The following HERC3 variants were observed in gnomAD, a reference collection of about 807,000 sequenced individuals.
HERC3 encodes HECT and RLD domain containing E3 ubiquitin protein ligase 3.
In HERC3, 58 loss-of-function variants were observed where a neutral mutation model predicts 129.9. The observed-to-expected ratio is 0.45, with a 90% confidence interval of 0.36 to 0.56. The LOEUF (loss-of-function observed/expected upper bound fraction) is 0.56, where lower values mean the gene tolerates loss of function less well. Ranked by LOEUF, HERC3 falls within the 20% of genes least tolerant of loss-of-function variation. The probability of loss-of-function intolerance (pLI) is 0.00; values close to 1 mark genes in which losing one functional copy is unlikely to be tolerated. For synonymous variants in HERC3, 430 were observed against 451.0 expected, an observed-to-expected ratio of 0.95 and a Z score of 0.59; for missense variants, 835 against 1,244.2, an observed-to-expected ratio of 0.67 and a Z score of 4.95.
chr4:88,629,148 ACT>A (rs1215968898), intron 3 of HERC3, among the ~76,000 whole-genome samples: 3 of 152,144 alleles, frequency 2.0e-5, no homozygotes, highest in Non-Finnish European at 4.4e-5. Flanking sequence ...ACAGAGTGAG[ACT>A]CTGGCTCAAA....
chr4:88,573,001 A>G, the HERC3 span, among the ~76,000 whole-genome samples: 1 of 152,232 alleles, frequency 6.6e-6, no homozygotes, highest in African/African-American at 2.4e-5. Flanking sequence ...TACAGAAACT[A>G]TGGAGCAAAA....
chr4:88,558,855 C>A, the HERC3 span, among the ~76,000 whole-genome samples: 14 of 151,402 alleles, frequency 9.2e-5, no homozygotes, highest in Non-Finnish European at 1.6e-4. Flanking sequence ...GTAGTCCCAG[C>A]TGCTGGGGAG....
intron 3 of HERC3, among the ~76,000 whole-genome samples, chr4:88,606,541 G>T (rs559826632): frequency 8.5e-5 from 13 of 152,290 alleles, no homozygotes; most frequent in African/African-American, 2.9e-4. Flanking sequence ...TCACACTGCT[G>T]ATAAGACATA....
intron 2 of HERC3, among the ~76,000 whole-genome samples, chr4:88,601,251 GAGTTC>G (rs1380013967): frequency 1.2e-3 from 178 of 152,254 alleles, no homozygotes; most frequent in African/African-American, 3.3e-3. Flanking sequence ...AAAGCCTCAA[GAGTTC>G]AAAGCATACC....
At chr4:88,547,253 T>A in the HERC3 span, among the ~76,000 whole-genome samples, 2 of 152,184 alleles carry the variant, frequency 1.3e-5, no homozygotes, top group African/African-American at 4.8e-5. Flanking sequence ...GTCTTACAAT[T>A]TTTTGGATAG....
the HERC3 span, among the ~76,000 whole-genome samples, chr4:88,563,011 A>G: frequency 2.0e-5 from 3 of 152,180 alleles, no homozygotes; most frequent in Admixed American, 1.3e-4. Context: ...TATAAATGTC[A>G]GGATTATTTT....
chr4:88,683,793 A>G (rs533732925), intron 21 of HERC3, among the ~76,000 whole-genome samples: 2 of 152,292 alleles, frequency 1.3e-5, no homozygotes, highest in Admixed American at 6.5e-5. Context: ...AAGTGTTTTT[A>G]CCAAGCTTGT....
At chr4:88,559,001 T>G in the HERC3 span, among the ~76,000 whole-genome samples, 1 of 151,970 alleles carries the variant, frequency 6.6e-6, no homozygotes, top group African/African-American at 2.4e-5. Context: ...ATTGAGAGAT[T>G]CTTTTTCTTA....
the HERC3 span, among the ~76,000 whole-genome samples, chr4:88,543,336 T>C: frequency 6.6e-6 from 1 of 152,150 alleles, no homozygotes; most frequent in East Asian, 1.9e-4. Context: ...CATTCATAAT[T>C]GCTACACAGA....
chr4:88,667,320 C>T (rs2149297262), intron 12 of HERC3, 57 bp from the exon 13 acceptor site: 2 of 871,438 alleles, frequency 2.3e-6, no homozygotes, highest in Non-Finnish European at 3.6e-6. Context: ...TTTATAATTC[C>T]TATCAGAGTG....
intron 2 of HERC3, among the ~76,000 whole-genome samples, chr4:88,600,751 T>C (rs1722885803): frequency 6.6e-6 from 1 of 152,252 alleles, no homozygotes; most frequent in South Asian, 2.1e-4. Context: ...TACCCGCTTG[T>C]TGATTCATTA....
chr4:88,686,208 G>A (rs777074364), intron 21 of HERC3, among the ~76,000 whole-genome samples: 1 of 152,066 alleles, frequency 6.6e-6, no homozygotes, highest in African/African-American at 2.4e-5. Flanking sequence ...TTCTTCCAAT[G>A]TGGCCTGGGG....
upstream of HERC3, among the ~76,000 whole-genome samples, chr4:88,588,801 G>A (rs1369184940): frequency 2.6e-5 from 4 of 152,198 alleles, no homozygotes; most frequent in African/African-American, 9.6e-5. Context: ...GAAGTGAATG[G>A]TAACTAATGG....
At chr4:88,549,231 TG>T in the HERC3 span, among the ~76,000 whole-genome samples, 8 of 152,104 alleles carry the variant, frequency 5.3e-5, no homozygotes, top group Non-Finnish European at 7.4e-5. Flanking sequence ...GCACCATTTT[TG>T]GGGGGGTGAG....
At chr4:88,681,683 A>G (rs1039451776) in intron 21 of HERC3, among the ~76,000 whole-genome samples, 3 of 152,142 alleles carry the variant, frequency 2.0e-5, no homozygotes, top group African/African-American at 4.8e-5. Context: ...TTCTTTAATT[A>G]AACTGTTTTT....
chr4:88,645,622 C>T (rs779721760), intron 3 of HERC3, among the ~76,000 whole-genome samples: 22 of 152,036 alleles, frequency 1.4e-4, no homozygotes, highest in Non-Finnish European at 2.2e-4. Flanking sequence ...ATAACAGGGG[C>T]AGCTACTAAG....
intron 4 of HERC3, among the ~76,000 whole-genome samples, chr4:88,650,773 C>A (rs72882983): frequency 0.054 from 8,153 of 152,240 alleles, 484 homozygotes; most frequent in African/African-American, 0.14. Flanking sequence ...CTATTAATGG[C>A]AGGATAATTG....
intron 23 of HERC3, among the ~76,000 whole-genome samples, chr4:88,693,873 A>G (rs1734325063): frequency 6.6e-6 from 1 of 152,218 alleles, no homozygotes; most frequent in Non-Finnish European, 1.5e-5. Context: ...ATAGGTTAAA[A>G]TGGTTTATGA....
In HERC3 at chr4:88,706,823, G is replaced by C. The variant is rs1179405815; in HGVS notation, c.3016G>C (p.Ala1006Pro). 1 of 1,614,032 alleles carries C rather than the reference G, an allele frequency of 6.2e-7. No homozygotes were observed. The highest frequency in any genetic ancestry group is 8.5e-7 in the Non-Finnish European group (1 of 1,180,034). Reference sequence around the variant, plus strand: ...TCTGCAGATTGTCATCCAGTCCACAGCCAGCGGGGAGGAGTACTTGCCGGT... The same window carrying C: ...TCTGCAGATTGTCATCCAGTCCACACCCAGCGGGGAGGAGTACTTGCCGGT... The part of the protein sequence containing the change: ...ASLQIVIQST[A>P]SGEEYLPVAH... The change falls in exon 26 of 26, where the codon GCC (alanine) becomes CCC (proline). Residue 1006 changes from alanine to proline, a missense_variant. By Grantham distance (27) the Ala-to-Pro change is conservative. Coordinates refer to ENST00000402738, the MANE Select transcript of HERC3 (RefSeq NM_014606.3).
Sources: allele counts gnomAD v4.1 joint callset (sites outside exome capture counted in the v4.1 genomes callset), GRCh38; gene constraint gnomAD v4.1.1; transcripts MANE v1.5; gene names NCBI Gene and HGNC (gene_info 2026-07-23, HGNC 2026-07-21).